PTPRN2: variants seen among roughly 807,000 people sequenced by gnomAD.
PTPRN2 encodes the protein protein tyrosine phosphatase receptor type N2.
A neutral mutation model predicts 118.8 loss-of-function variants in PTPRN2; 74 were observed. The ratio of observed to expected loss-of-function variants is 0.62; its 90% CI spans 0.52 to 0.76. The LOEUF is 0.76. Ranked by LOEUF, PTPRN2 falls within the 30% of genes least tolerant of loss-of-function variation. The pLI is 0.00. For synonymous variants in PTPRN2, 641 were observed against 608.0 expected (o/e 1.05, Z -0.80); for missense variants, 1,481 against 1,394.4 (o/e 1.06, Z -0.99).
At chr7:157,856,896 G>A (rs1276343677) in intron 12 of PTPRN2, among the ~76,000 whole-genome samples, 2 of 152,142 alleles carry the variant, frequency 1.3e-5, no homozygotes, top group African/African-American at 4.8e-5. Flanking sequence ...TGAACAACCT[G>A]TACATTCACC....
At chr7:158,066,189 G>A (rs1159938812) in intron 11 of PTPRN2, among the ~76,000 whole-genome samples, 2 of 152,212 alleles carry the variant, frequency 1.3e-5, no homozygotes, top group South Asian at 2.1e-4. Context: ...ATAAGACTCC[G>A]TCAGCAAGAT....
intron 11 of PTPRN2, among the ~76,000 whole-genome samples, chr7:157,931,796 G>A (rs143345340): frequency 6.6e-6 from 1 of 152,244 alleles, no homozygotes; most frequent in African/African-American, 2.4e-5. Context: ...TACGGCTGCC[G>A]TGCAGGGCGG....
chr7:157,758,735 GC>G (rs1386940438), intron 12 of PTPRN2, among the ~76,000 whole-genome samples: 1 of 152,146 alleles, frequency 6.6e-6, no homozygotes, highest in Non-Finnish European at 1.5e-5. Context: ...AGACGTGGAG[GC>G]AGTGGTCCCT....
chr7:158,393,296 G>C (rs917088966), intron 2 of PTPRN2, among the ~76,000 whole-genome samples: 1 of 152,214 alleles, frequency 6.6e-6, no homozygotes, highest in African/African-American at 2.4e-5. Flanking sequence ...ATTTAGAAAG[G>C]TCAAGTGTAC....
At chr7:157,649,787 G>A (rs1379081002) in intron 14 of PTPRN2, among the ~76,000 whole-genome samples, 2 of 149,322 alleles carry the variant, frequency 1.3e-5, no homozygotes, top group Non-Finnish European at 3.0e-5. Context: ...AACTTGGTGG[G>A]TCGGACCCAT....
chr7:158,106,633 G>A (rs923177259), intron 10 of PTPRN2, among the ~76,000 whole-genome samples: 1 of 152,274 alleles, frequency 6.6e-6, no homozygotes, highest in Admixed American at 6.5e-5. Flanking sequence ...CCACACAAAC[G>A]CCTACCTGTG....
chr7:158,262,274 A>G (rs1479986095), intron 3 of PTPRN2, among the ~76,000 whole-genome samples: 4 of 152,044 alleles, frequency 2.6e-5, no homozygotes, highest in African/African-American at 7.3e-5. Flanking sequence ...TGCAACACAT[A>G]TACACACATT....
At position 157,615,474 on chromosome 7, in the gene PTPRN2, T is replaced by G; in HGVS notation, c.2344+5888A>C. 1 of 471,202 alleles carries G rather than the reference T, an allele frequency of 2.1e-6. No homozygotes were observed. The highest frequency in any genetic ancestry group is 4.4e-6 in the Non-Finnish European group (1 of 227,062). The allele number at this position is 471,202 out of a possible 1,614,324, so 29.2% of individuals were successfully genotyped here. On this transcript the variant is annotated intron_variant, in intron 15 of 22. Transcript: ENST00000389418. The surrounding 1 kb of genome is among the most constrained non-coding windows in gnomAD (Gnocchi z 4.3). ...GCCCCGAGCCTCACGTGGAAACATCTGATGAGCCTTTGCCAATATGCTCGG... is the reference window on the plus strand; with the variant it reads ...GCCCCGAGCCTCACGTGGAAACATCGGATGAGCCTTTGCCAATATGCTCGG...
rs78182662 is a variant in PTPRN2 at position 157,698,171 on chromosome 7, A to G, written c.1789-15234T>C. On this transcript the variant is annotated intron_variant, in intron 12 of 22. Coordinates refer to ENST00000389418, the MANE Select transcript of PTPRN2 (RefSeq NM_002847.5). Reference sequence around the variant, plus strand: ...AGCAGTGCAAATGTAAGATATAGCTATAAAATCAATGCCCTTATTTTAAAA... The same window carrying G: ...AGCAGTGCAAATGTAAGATATAGCTGTAAAATCAATGCCCTTATTTTAAAA... Among the ~76,000 whole-genome samples, 1,869 of 152,386 alleles carry G rather than the reference A, an allele frequency of 0.012. 99 individuals are homozygous for G. The South Asian group carries it at 0.16, about 13-fold the overall frequency.
At chr7:157,946,733 C>A (rs1397372984) in intron 11 of PTPRN2, among the ~76,000 whole-genome samples, 1 of 152,176 alleles carries the variant, frequency 6.6e-6, no homozygotes, top group Non-Finnish European at 1.5e-5. Flanking sequence ...AAAATCACAT[C>A]CTGCAGTAAG....
At chr7:158,364,269 C>T (rs1299096939) in intron 2 of PTPRN2, among the ~76,000 whole-genome samples, 2 of 146,878 alleles carry the variant, frequency 1.4e-5, no homozygotes, top group East Asian at 2.1e-4. Flanking sequence ...AGCCCCCATC[C>T]TCACTTCACC....
intron 2 of PTPRN2, among the ~76,000 whole-genome samples, chr7:158,415,859 T>C (rs1297276414): frequency 6.6e-6 from 1 of 152,172 alleles, no homozygotes; most frequent in African/African-American, 2.4e-5. Context: ...GTTCATAAAT[T>C]GTCTCTAAGG....
chr7:158,188,598 G>T (rs1360006167), intron 5 of PTPRN2, among the ~76,000 whole-genome samples: 2 of 84,574 alleles, frequency 2.4e-5, no homozygotes, highest in Non-Finnish European at 5.5e-5. Flanking sequence ...GCCCCCTGAT[G>T]GGGAAGCCCG....
intron 4 of PTPRN2, among the ~76,000 whole-genome samples, chr7:158,204,069 C>T (rs891893853): frequency 6.7e-6 from 1 of 150,150 alleles, no homozygotes; most frequent in Non-Finnish European, 1.5e-5. Flanking sequence ...CTGCCCTCAG[C>T]GAGCGCCGTG....
chr7:157,700,130 C>G (rs1340849194), intron 12 of PTPRN2, among the ~76,000 whole-genome samples: 1 of 152,222 alleles, frequency 6.6e-6, no homozygotes, highest in Non-Finnish European at 1.5e-5. Context: ...GAAATCTAGT[C>G]TTACGTTTTC....
intron 13 of PTPRN2, among the ~76,000 whole-genome samples, chr7:157,666,624 G>A (rs1221602121): frequency 6.6e-6 from 1 of 152,218 alleles, no homozygotes; most frequent in Non-Finnish European, 1.5e-5. Context: ...CCAGGACTCT[G>A]GGTCCAGATC....
At position 157,603,996 on chromosome 7, in the gene PTPRN2, A is replaced by G; in HGVS notation, c.2418+6T>C. On this transcript the variant is annotated splice_donor_region_variant and intron_variant, in intron 16 of 22. Transcript: ENST00000389418. The surrounding 1 kb of genome is among the most constrained non-coding windows in gnomAD (Gnocchi z 5.4). ...CCTGGGGCCCCTGTCCCGGCAGTGCACTTACGATGGGGCTAGCGTTGATGT... is the reference window on the plus strand; with the variant it reads ...CCTGGGGCCCCTGTCCCGGCAGTGCGCTTACGATGGGGCTAGCGTTGATGT... 6.2e-7 allele frequency: 1 copy of G among 1,613,464 alleles called. No individual in the cohort carries two copies. The highest frequency in any genetic ancestry group is 8.5e-7 in the Non-Finnish European group (1 of 1,179,714).
chr7:157,726,738 A>T (rs1799624831), intron 12 of PTPRN2, among the ~76,000 whole-genome samples: 1 of 152,272 alleles, frequency 6.6e-6, no homozygotes, highest in Admixed American at 6.5e-5. Flanking sequence ...GGGGGAAAAG[A>T]TTTGCGAATC....
chr7:158,416,680 G>A (rs959399231), intron 2 of PTPRN2, among the ~76,000 whole-genome samples: 11 of 152,216 alleles, frequency 7.2e-5, no homozygotes, highest in African/African-American at 9.6e-5. Context: ...AGAAAGGCCA[G>A]GGGGCAGGAA....
Sources: allele counts gnomAD v4.1 joint callset (sites outside exome capture counted in the v4.1 genomes callset), GRCh38; gene constraint gnomAD v4.1.1; non-coding constraint Gnocchi (gnomAD v3.1); transcripts MANE v1.5; gene names NCBI Gene and HGNC (gene_info 2026-07-23, HGNC 2026-07-21).